ZNF283: variants seen among roughly 807,000 people sequenced by gnomAD.
ZNF283 encodes the protein zinc finger protein 283.
In ZNF283, 10 loss-of-function variants were observed where a neutral mutation model predicts 9.2. The ratio of observed to expected loss-of-function variants is 1.09; its 90% CI spans 0.67 to 1.85. The LOEUF (loss-of-function observed/expected upper bound fraction) is 1.85. ZNF283 is among the 40% of genes most tolerant of loss of function. The pLI, the probability that ZNF283 is intolerant of heterozygous loss-of-function variation, is 0.00. For synonymous variants in ZNF283, 234 were observed against 244.1 expected (o/e 0.96, Z 0.38); for missense variants, 631 against 760.1 (o/e 0.83, Z 2.00).
intron 3 of ZNF283, among the ~76,000 whole-genome samples, 168 bp from the exon 4 acceptor site, chr19:43,833,337 C>G (rs2146537884): frequency 6.6e-6 from 1 of 152,204 alleles, no homozygotes; most frequent in East Asian, 1.9e-4. Context: ...CCAACACCAT[C>G]ATAACTAATG....
intron 2 of ZNF283, among the ~76,000 whole-genome samples, chr19:43,829,650 T>C (rs1394273787): frequency 1.3e-5 from 2 of 152,204 alleles, no homozygotes; most frequent in African/African-American, 4.8e-5. Context: ...TGGGCTCTTC[T>C]AGATTATTTC....
intron 5 of ZNF283, among the ~76,000 whole-genome samples, chr19:43,836,454 G>C (rs557159512): frequency 3.9e-5 from 6 of 152,172 alleles, no homozygotes; most frequent in Admixed American, 6.5e-5. Context: ...CGATTCTCCT[G>C]CCTTAGCCTC....
intron 3 of ZNF283, among the ~76,000 whole-genome samples, chr19:43,832,499 G>A (rs904819255): frequency 8.5e-5 from 13 of 152,178 alleles, no homozygotes; most frequent in Non-Finnish European, 1.9e-4. Flanking sequence ...TAACTTCTGG[G>A]AGGAAGGGGT....
chr19:43,843,974 T>C (rs1284875216), intron 6 of ZNF283, among the ~76,000 whole-genome samples: 1 of 152,216 alleles, frequency 6.6e-6, no homozygotes, highest in African/African-American at 2.4e-5. Context: ...TTTCTTCATA[T>C]ATTTCAACCT....
At chr19:43,843,770 A>T (rs1378087581) in intron 6 of ZNF283, among the ~76,000 whole-genome samples, 1 of 152,238 alleles carries the variant, frequency 6.6e-6, no homozygotes, top group Non-Finnish European at 1.5e-5. Flanking sequence ...GTAACATAGT[A>T]TGAAAAGTTC....
At chr19:43,831,640 C>G (rs995430069) in intron 3 of ZNF283, among the ~76,000 whole-genome samples, 3 of 150,746 alleles carry the variant, frequency 2.0e-5, no homozygotes, top group Admixed American at 1.3e-4. Context: ...TTTTCTTTTT[C>G]TTTTTTGAGA....
intron 5 of ZNF283, among the ~76,000 whole-genome samples, chr19:43,836,787 A>G (rs1306212689): frequency 6.6e-6 from 1 of 152,220 alleles, no homozygotes; most frequent in Non-Finnish European, 1.5e-5. Context: ...GATTTTTAAA[A>G]TATATTACCA....
rs201939022 is a variant in ZNF283, at chr19:43,848,505, C to A, written c.1904C>A (p.Thr635Asn). ...KLYQRKEFGKTFTCGSKLVHE... is the reference protein window; with the variant it reads ...KLYQRKEFGKNFTCGSKLVHE... Reference sequence around the variant, plus strand: ...TATCAACGTAAGGAATTCGGGAAGACCTTTACTTGTGGCTCAAAACTTGTT... The same window carrying A: ...TATCAACGTAAGGAATTCGGGAAGAACTTTACTTGTGGCTCAAAACTTGTT... Residue 635 changes from threonine (T) to asparagine (N), a missense_variant, in exon 7 of 7, where the codon ACC becomes AAC. Physicochemically the swap from Thr to Asn is moderately conservative, Grantham distance 65. Transcript: ENST00000618787. 6.2e-7 allele frequency: 1 copy of A among 1,613,414 alleles called. No individual in the cohort carries two copies. Among genetic ancestry groups the A allele is most frequent in the Admixed American group, 1.7e-5 (1 of 60,008 alleles).
At chr19:43,834,126 G>A (rs1011180486) in intron 4 of ZNF283, among the ~76,000 whole-genome samples, 1 of 152,180 alleles carries the variant, frequency 6.6e-6, no homozygotes, top group Non-Finnish European at 1.5e-5. Flanking sequence ...GTTGCAAAGT[G>A]AGCCTAATAG....
Position 43,847,257 on chromosome 19 carries a change from GC to G in ZNF283, c.657del (p.Ser220GlnfsTer26). The G allele has an allele frequency of 6.2e-7, 1 of 1,613,856 alleles. No homozygotes were observed. The highest frequency in any genetic ancestry group is 8.5e-7 in the Non-Finnish European group (1 of 1,179,814). On this transcript the variant is annotated frameshift_variant, in exon 7 of 7. Transcript: ENST00000618787. LOFTEE classifies it low-confidence loss of function (END_TRUNC). ...CKECGKACSH[G>X]SKLVQHERTH... ...GAATGTGGGAAGGCTTGCAGTCATG[GC>G]TCAAAACTTGTTCAACATGAGAGAA...
At chr19:43,843,380 G>T (rs1599727462) in intron 6 of ZNF283, among the ~76,000 whole-genome samples, 2 of 152,186 alleles carry the variant, frequency 1.3e-5, no homozygotes, top group South Asian at 4.1e-4. Context: ...CTGCTTTTTT[G>T]ACAAAACACC....
In ZNF283 at chr19:43,847,665, C is replaced by T; in HGVS notation, c.1064C>T (p.Ala355Val). The T allele has an allele frequency of 1.9e-6, 3 of 1,613,602 alleles. No homozygotes were observed. The highest frequency in any genetic ancestry group is 1.1e-5 in the South Asian group (1 of 91,054). Reference protein sequence around the residue: ...KPYKCKECGKAFSRGYQLTQH... With the variant: ...KPYKCKECGKVFSRGYQLTQH... ...TATAAATGTAAAGAATGTGGGAAGGCCTTCAGTCGTGGCTATCAGCTTACT... is the reference window on the plus strand; with the variant it reads ...TATAAATGTAAAGAATGTGGGAAGGTCTTCAGTCGTGGCTATCAGCTTACT... The change falls in exon 7 of 7, where the codon GCC (alanine) becomes GTC (valine). Residue 355 changes from alanine (A) to valine (V), a missense_variant. Physicochemically the swap from Ala to Val is moderately conservative, Grantham distance 64. Coordinates refer to ENST00000618787, the MANE Select transcript of ZNF283 (RefSeq NM_181845.2).
intron 6 of ZNF283, among the ~76,000 whole-genome samples, chr19:43,843,913 A>G (rs1427979302): frequency 1.3e-5 from 2 of 152,204 alleles, no homozygotes; most frequent in African/African-American, 2.4e-5. Flanking sequence ...CCATTTTCCA[A>G]CTATGTACCA....
At chr19:43,833,424 A>AT in intron 3 of ZNF283, 81 bp from the exon 4 acceptor site, 1 of 181,378 alleles carries the variant, frequency 5.5e-6, no homozygotes, top group Non-Finnish European at 1.1e-5. Context: ...ACCAGAAATT[A>AT]TTTTTGGTTG....
In ZNF283 at chr19:43,839,620, A is replaced by G. The variant is rs150787611; in HGVS notation, c.337+2441A>G. On this transcript the variant is annotated intron_variant, in intron 6 of 6. Coordinates refer to ENST00000618787, the MANE Select transcript of ZNF283 (RefSeq NM_181845.2). ...CCCATTGATCCCTCAGGCTCTCTTC[A>G]CTGTTCATTATTCCTTTTTCTTTTT... is the stretch of plus-strand genomic sequence containing the variant. Among the ~76,000 whole-genome samples, 358 of 151,948 alleles carry G rather than the reference A, an allele frequency of 2.4e-3. 2 individuals carry two copies. Among genetic ancestry groups the G allele is most frequent in the African/African-American group, 8.1e-3 (334 of 41,470 alleles).
intron 1 of ZNF283, chr19:43,827,781 C>T (rs966843105): frequency 1.3e-5 from 2 of 152,244 alleles, no homozygotes; most frequent in African/African-American, 4.8e-5. Flanking sequence ...TCTAGGTTCC[C>T]TTTAGCCTGT....
rs191799485 is a variant in ZNF283 at position 43,835,490 on chromosome 19, G to A, written c.123-15G>A. Reference sequence around the variant, plus strand: ...TGAGGCACACCTGGTTTAACGCTTCGTTTTCCCTCCCCAGTTCTGGCTTTT... The same window carrying A: ...TGAGGCACACCTGGTTTAACGCTTCATTTTCCCTCCCCAGTTCTGGCTTTT... On this transcript the variant is annotated splice_polypyrimidine_tract_variant and intron_variant, in intron 4 of 6. Coordinates refer to ENST00000618787, the MANE Select transcript of ZNF283 (RefSeq NM_181845.2). 31 of 1,594,920 alleles carry A rather than the reference G, an allele frequency of 1.9e-5. No individual in the cohort carries two copies. The highest frequency in any genetic ancestry group is 3.3e-4 in the Middle Eastern group (2 of 6,036).
At chr19:43,837,253 G>A in intron 6 of ZNF283, 74 bp downstream of exon 6, 1 of 1,439,732 alleles carries the variant, frequency 6.9e-7, no homozygotes, top group Non-Finnish European at 9.3e-7. Context: ...AAATTACAGG[G>A]CTATCTTTGA....
chr19:43,846,839 T>A, intron 6 of ZNF283, 100 bp from the exon 7 acceptor site: 2 of 923,928 alleles, frequency 2.2e-6, no homozygotes, highest in Non-Finnish European at 1.5e-6. Flanking sequence ...AGGAGTGAGT[T>A]CAGTAAGTCT....
Sources: gnomAD v4.1 joint callset for allele counts (sites outside exome capture counted in the v4.1 genomes callset) on GRCh38, gnomAD v4.1.1 for gene constraint, MANE v1.5 for transcripts, NCBI Gene and HGNC (gene_info 2026-07-23, HGNC 2026-07-21) for gene names.